The following CLASP1 variants were observed in gnomAD, a reference collection of about 807,000 sequenced individuals.
CLASP1 encodes CLIP-associating protein 1.
A neutral mutation model predicts 192.3 loss-of-function variants in CLASP1; 38 were observed. That is an observed-to-expected ratio of 0.20 (90% confidence interval 0.15 to 0.26). The LOEUF is 0.26. Among genes scored for constraint, CLASP1 ranks in the 10% least tolerant of loss-of-function variants. The probability of loss-of-function intolerance (pLI) is 1.00; values close to 1 mark genes in which losing one functional copy is unlikely to be tolerated. For synonymous variants in CLASP1, 691 were observed against 712.8 expected, an observed-to-expected ratio of 0.97 and a Z score of 0.49; for missense variants, 1,433 against 1,932.5, an observed-to-expected ratio of 0.74 and a Z score of 4.85.
chr2:121,598,346 G>C (rs2063388594), intron 2 of CLASP1, among the ~76,000 whole-genome samples: 1 of 152,244 alleles, frequency 6.6e-6, no homozygotes, highest in Non-Finnish European at 1.5e-5. Flanking sequence ...ATGAGTCTGA[G>C]TGAGAGAGGC....
chr2:121,606,127 C>T (rs914284513), exon 2 of CLASP1: 1 of 545,580 alleles, frequency 1.8e-6, no homozygotes, highest in Admixed American at 3.3e-5. Context: ...GAGTGAGTGG[C>T]AGAGTGATGT....
exon 30 of CLASP1, chr2:121,397,259 T>C (rs1271809323): frequency 6.2e-7 from 1 of 1,613,906 alleles, no homozygotes; most frequent in Non-Finnish European, 8.5e-7. Context: ...AGAGACTCAA[T>C]GTATTTCAGG....
intron 8 of CLASP1, among the ~76,000 whole-genome samples, chr2:121,479,399 A>T (rs2092403159): frequency 6.6e-6 from 1 of 152,246 alleles, no homozygotes; most frequent in Non-Finnish European, 1.5e-5. Context: ...AATTAAGAAA[A>T]CAACAATAGC....
At chr2:121,342,912 G>A (rs1325793889) in intron 39 of CLASP1, among the ~76,000 whole-genome samples, 1 of 152,158 alleles carries the variant, frequency 6.6e-6, no homozygotes, top group Non-Finnish European at 1.5e-5. Context: ...ACTCCAGCCT[G>A]AGTGACCAAA....
chr2:121,373,905 G>C (rs2069336401), intron 34 of CLASP1, among the ~76,000 whole-genome samples: 1 of 152,216 alleles, frequency 6.6e-6, no homozygotes, highest in Non-Finnish European at 1.5e-5. Context: ...GTAAAAGTTT[G>C]GAAAATTTGC....
intron 18 of CLASP1, 38 bp downstream of exon 18, chr2:121,448,238 A>G (rs1462509932): frequency 1.3e-6 from 2 of 1,576,798 alleles, no homozygotes; most frequent in East Asian, 2.2e-5. Flanking sequence ...AGCCCACCAG[A>G]GCGGAGAACA....
exon 40 of CLASP1, chr2:121,339,663 AGT>A (rs1216690568): frequency 6.6e-6 from 1 of 152,302 alleles, no homozygotes; most frequent in East Asian, 1.9e-4. Context: ...GTTCTTTTTA[AGT>A]GTGTTTCTAA....
intron 2 of CLASP1, among the ~76,000 whole-genome samples, chr2:121,602,237 A>C (rs1166142261): frequency 6.6e-6 from 1 of 152,052 alleles, no homozygotes; most frequent in African/African-American, 2.4e-5. Context: ...CAAAAATAAA[A>C]TACCTAGGAA....
At chr2:121,478,324 G>T (rs759858826) in intron 8 of CLASP1, among the ~76,000 whole-genome samples, 2 of 152,120 alleles carry the variant, frequency 1.3e-5, no homozygotes, top group African/African-American at 4.8e-5. Context: ...CTACAGGCTG[G>T]GCACAGTGGC....
chr2:121,459,895 C>T, intron 12 of CLASP1, 85 bp downstream of exon 12: 2 of 1,308,276 alleles, frequency 1.5e-6, no homozygotes, highest in South Asian at 3.8e-5. Flanking sequence ...TTAAAGAGAC[C>T]CAGCTCACAT....
At chr2:121,551,562 A>G (rs1441731949) in intron 2 of CLASP1, among the ~76,000 whole-genome samples, 1 of 152,214 alleles carries the variant, frequency 6.6e-6, no homozygotes, top group Non-Finnish European at 1.5e-5. Flanking sequence ...GCAACAGGCA[A>G]GCAGAGAGTC....
intron 34 of CLASP1, among the ~76,000 whole-genome samples, chr2:121,373,798 C>G (rs1402745132): frequency 6.6e-6 from 1 of 152,174 alleles, no homozygotes; most frequent in African/African-American, 2.4e-5. Context: ...GTAAAGTGTT[C>G]AAGATGTGGC....
intron 8 of CLASP1, among the ~76,000 whole-genome samples, chr2:121,502,913 A>C (rs1449635907): frequency 1.3e-5 from 2 of 152,246 alleles, no homozygotes; most frequent in Admixed American, 6.5e-5. Context: ...TGATGATGAG[A>C]GTTCCTGGGA....
chr2:121,343,565 C>T (rs903663427), intron 39 of CLASP1, among the ~76,000 whole-genome samples: 1 of 152,094 alleles, frequency 6.6e-6, no homozygotes, highest in Admixed American at 6.5e-5. Context: ...AAGCCAGCCA[C>T]AAAGGACACA....
chr2:121,447,446 A>T, exon 19 of CLASP1: 1 of 1,560,508 alleles, frequency 6.4e-7, no homozygotes, highest in Non-Finnish European at 8.7e-7. Context: ...TCACATCAAT[A>T]TCACTTCGAG....
intron 8 of CLASP1, among the ~76,000 whole-genome samples, chr2:121,474,933 GTAATGT>G (rs905240791): frequency 6.6e-6 from 1 of 152,166 alleles, no homozygotes; most frequent in African/African-American, 2.4e-5. Context: ...ATTAAGCAAA[GTAATGT>G]TAATAAGTGA....
intron 2 of CLASP1, among the ~76,000 whole-genome samples, chr2:121,602,097 C>A (rs1424802085): frequency 2.6e-5 from 4 of 151,760 alleles, no homozygotes; most frequent in Non-Finnish European, 5.9e-5. Context: ...ATCACTTGAA[C>A]CCAGGAGGCG....
chr2:121,394,697 T>C (rs182032594), intron 30 of CLASP1, among the ~76,000 whole-genome samples: 2 of 152,212 alleles, frequency 1.3e-5, no homozygotes, highest in East Asian at 1.9e-4. Flanking sequence ...CTGACCAACA[T>C]GGTGAAACCC....
Position 121,530,882 on chromosome 2 carries a change from C to G in CLASP1, c.196-557G>C, listed in dbSNP as rs772138273. On this transcript the variant is annotated intron_variant, in intron 2 of 39. Transcript: ENST00000263710. ...GCAGCCCAGGGACTTTCTATTATAA[C>G]CATCCTTTTCTTGGGGTTGCGCTAC... 7 of 692,248 alleles carry G rather than the reference C, an allele frequency of 1.0e-5. No individual in the cohort carries two copies. The highest frequency in any genetic ancestry group is 1.8e-5 in the Non-Finnish European group (7 of 378,598). The allele number at this position is 692,248 out of a possible 1,614,324, so 42.9% of individuals were successfully genotyped here.
Sources: allele counts gnomAD v4.1 joint callset (sites outside exome capture counted in the v4.1 genomes callset), GRCh38; gene constraint gnomAD v4.1.1; transcripts MANE v1.5; gene names NCBI Gene and HGNC (gene_info 2026-07-23, HGNC 2026-07-21).